Variants in ZBED4 observed in about 807,000 individuals in gnomAD.
ZBED4 encodes the protein zinc finger BED domain-containing protein 4.
ZBED4 carries 4 observed loss-of-function variants against 15.5 expected under a neutral mutation model. That is an observed-to-expected ratio of 0.26 (90% confidence interval 0.13 to 0.59). ZBED4 has a LOEUF of 0.59. Ranked by LOEUF, ZBED4 falls within the 20% of genes least tolerant of loss-of-function variation. The probability of loss-of-function intolerance (pLI) is 0.90; values close to 1 mark genes in which losing one functional copy is unlikely to be tolerated. For missense variants in ZBED4, 1,323 were observed against 1,461.8 expected (o/e 0.91, Z 1.55); for synonymous variants, 692 against 608.5 (o/e 1.14, Z -2.02).
At chr22:49,857,258 C>T (rs532445536) in intron 1 of ZBED4, among the ~76,000 whole-genome samples, 1 of 152,370 alleles carries the variant, frequency 6.6e-6, no homozygotes, top group East Asian at 1.9e-4. Context: ...CAGCAGCGTT[C>T]AGCCATAGCT....
intron 1 of ZBED4, among the ~76,000 whole-genome samples, chr22:49,863,612 C>T (rs148450372): frequency 1.5e-4 from 21 of 144,376 alleles, no homozygotes; most frequent in African/African-American, 5.3e-4. Flanking sequence ...GGGGACAGAG[C>T]GAGACTCCGT....
chr22:49,855,519 A>G (rs2060271511), intron 1 of ZBED4, among the ~76,000 whole-genome samples: 1 of 152,190 alleles, frequency 6.6e-6, no homozygotes, highest in Admixed American at 6.5e-5. Flanking sequence ...AAAAATTACT[A>G]GGGGAGCGGA....
At chr22:49,878,499 T>C (rs2060390087) in intron 1 of ZBED4, among the ~76,000 whole-genome samples, 1 of 152,148 alleles carries the variant, frequency 6.6e-6, no homozygotes, top group South Asian at 2.1e-4. Context: ...GGGCACTTCA[T>C]GGAGAAAGGA....
In ZBED4 at chr22:49,885,162, T is replaced by C. The variant is rs116893184; in HGVS notation, c.1500T>C (p.His500=). ...GDVGTSCLMR[H]LYRRHPEVVG... ...TGGGCACCAGCTGCCTGATGAGACA[T>C]CTCTACCGGCGCCATCCAGAAGTTG... Residue 500 remains histidine, a synonymous_variant, in exon 2 of 2, where the codon CAT becomes CAC. Coordinates refer to ENST00000216268, the MANE Select transcript of ZBED4 (RefSeq NM_014838.3). 0.012 allele frequency: 19,195 copies of C among 1,613,038 alleles called. 376 individuals are homozygous for C. The highest frequency in any genetic ancestry group is 0.067 in the South Asian group (6,119 of 91,026).
Position 49,885,414 on chromosome 22 carries a change from G to A in ZBED4, c.1752G>A (p.Arg584=). The change falls in exon 2 of 2, where the codon CGG becomes CGA. Residue 584 remains arginine (R), a synonymous_variant. Coordinates refer to ENST00000216268, the MANE Select transcript of ZBED4 (RefSeq NM_014838.3). ...AAGTCGTGTGCTTGCACTGTGGCCGGACCATCAGCCGGGGGAAGAAGCCGA... is the reference window on the plus strand; with the variant it reads ...AAGTCGTGTGCTTGCACTGTGGCCGAACCATCAGCCGGGGGAAGAAGCCGA... ...STKVVCLHCG[R]TISRGKKPTN... is the part of the protein sequence containing the mutation. The A allele has an allele frequency of 6.2e-7, 1 of 1,605,564 alleles. No individual in the cohort carries two copies. The highest frequency in any genetic ancestry group is 8.5e-7 in the Non-Finnish European group (1 of 1,173,346).
intron 1 of ZBED4, among the ~76,000 whole-genome samples, chr22:49,863,582 G>A (rs1366633978): frequency 1.3e-5 from 2 of 151,100 alleles, no homozygotes; most frequent in African/African-American, 2.4e-5. Flanking sequence ...AGCTGAGATC[G>A]CGCCACCGCA....
At chr22:49,873,171 G>A (rs1240327148) in intron 1 of ZBED4, among the ~76,000 whole-genome samples, 4 of 152,220 alleles carry the variant, frequency 2.6e-5, no homozygotes, top group African/African-American at 9.7e-5. Context: ...CGTCTTGGCT[G>A]TTGGTACAAG....
Position 49,885,075 on chromosome 22 carries a change from C to G in ZBED4, c.1413C>G (p.Asp471Glu). Residue 471 changes from aspartate (D) to glutamate (E), a missense_variant, in exon 2 of 2, where the codon GAC becomes GAG. Physicochemically the swap from Asp to Glu is conservative, Grantham distance 45. Coordinates refer to ENST00000216268, the MANE Select transcript of ZBED4 (RefSeq NM_014838.3). ...ATCACTTCTCCCTGGCCCCCATGGA[C>G]AGCCTCAAGGCCGAGTGTCGGTACT... Reference protein sequence around the residue: ...VWHHFSLAPMDSLKAECRYCG... With the variant: ...VWHHFSLAPMESLKAECRYCG... 1 of 1,612,626 alleles carries G rather than the reference C, an allele frequency of 6.2e-7. No individual in the cohort carries two copies.
rs1325997908 is a variant in ZBED4 at position 49,853,894 on chromosome 22, C to G, written c.-425C>G. ...GCGGGCGGCGGGGCCGCGGGAGGGG[C>G]GCGGGGGCAGACAAAGCCGCGGTAA... On this transcript the variant is annotated 5_prime_UTR_variant, in exon 1 of 2. Coordinates refer to ENST00000216268, the MANE Select transcript of ZBED4 (RefSeq NM_014838.3). The G allele has an allele frequency of 6.9e-6, 1 of 144,182 alleles. No individual in the cohort carries two copies. Among genetic ancestry groups the G allele is most frequent in the Non-Finnish European group, 1.5e-5 (1 of 65,120 alleles). 8.9% of individuals were successfully genotyped at this position (144,182 alleles called of 1,614,324 possible).
chr22:49,877,999 T>G (rs551478817), intron 1 of ZBED4, among the ~76,000 whole-genome samples: 1 of 152,276 alleles, frequency 6.6e-6, no homozygotes, highest in East Asian at 1.9e-4. Flanking sequence ...TGCTGTGAAT[T>G]TTATATGTAA....
chr22:49,883,854 G>A lies in ZBED4; in HGVS notation c.192G>A (p.Thr64=), dbSNP rs753528808. 22 of 1,608,082 alleles carry A rather than the reference G, an allele frequency of 1.4e-5. No individual in the cohort carries two copies. Among genetic ancestry groups the A allele is most frequent in the Admixed American group, 8.4e-5 (5 of 59,488 alleles). ...SGGERAGLGG[T]GCSCKPPGKY... The stretch of plus-strand genomic sequence containing the variant: ...GGGAGCGAGCGGGCCTCGGTGGGAC[G>A]GGTTGCAGCTGCAAGCCCCCGGGGA... Residue 64 remains threonine (T), a synonymous_variant, in exon 2 of 2, where the codon ACG becomes ACA. Transcript: ENST00000216268.
At chr22:49,865,735 G>A (rs186565672) in intron 1 of ZBED4, among the ~76,000 whole-genome samples, 160 of 152,216 alleles carry the variant, frequency 1.1e-3, no homozygotes, top group Admixed American at 4.1e-3. Flanking sequence ...TTTGCTCTCC[G>A]GTAGATCTCT....
At chr22:49,877,372 A>G (rs564383857) in intron 1 of ZBED4, among the ~76,000 whole-genome samples, 1 of 151,942 alleles carries the variant, frequency 6.6e-6, no homozygotes, top group Non-Finnish European at 1.5e-5. Flanking sequence ...GCTCACTGCA[A>G]CCTCCGCCTC....
intron 1 of ZBED4, among the ~76,000 whole-genome samples, chr22:49,876,942 C>T (rs769011583): frequency 1.4e-4 from 22 of 152,132 alleles, no homozygotes; most frequent in Non-Finnish European, 2.5e-4. Flanking sequence ...TTGATGAATC[C>T]GATTTTTCCA....
intron 1 of ZBED4, among the ~76,000 whole-genome samples, chr22:49,872,511 C>T (rs1164572427): frequency 1.3e-5 from 2 of 152,060 alleles, no homozygotes; most frequent in Non-Finnish European, 2.9e-5. Flanking sequence ...TTTTCCCGTC[C>T]CAGGAATCAC....
At chr22:49,875,614 T>A (rs965907017) in intron 1 of ZBED4, among the ~76,000 whole-genome samples, 4 of 151,854 alleles carry the variant, frequency 2.6e-5, no homozygotes, top group Non-Finnish European at 5.9e-5. Context: ...AGATACAGGG[T>A]TTCACCATGT....
rs778790812 is a variant in ZBED4, at chr22:49,884,928, G to A, written c.1266G>A (p.Glu422=). Residue 422 remains glutamate (E), a synonymous_variant, in exon 2 of 2, where the codon GAG becomes GAA. Transcript: ENST00000216268. ...AAFSSSDDIG[E]ASASSPEKQQ... is the part of the protein sequence containing the mutation. ...TCTCATCTTCCGATGACATAGGGGA[G>A]GCCTCGGCGTCCTCTCCTGAGAAGC... 11 of 1,606,112 alleles carry A rather than the reference G, an allele frequency of 6.8e-6. No individual in the cohort carries two copies. In the South Asian group the frequency reaches 1.2e-4, roughly 18 times the overall value.
upstream of ZBED4, chr22:49,853,311 C>G (rs935194905): frequency 1.3e-5 from 2 of 152,506 alleles, no homozygotes; most frequent in Non-Finnish European, 1.5e-5. Flanking sequence ...AGGCGTTAAT[C>G]CCGTCCCCCG....
In ZBED4 at chr22:49,885,593, C is replaced by T; in HGVS notation, c.1931C>T (p.Thr644Ile). The T allele has an allele frequency of 6.2e-7, 1 of 1,607,920 alleles. No individual in the cohort carries two copies. Among genetic ancestry groups the T allele is most frequent in the South Asian group, 1.1e-5 (1 of 90,912 alleles). Reference protein sequence around the residue: ...ELSGASSFDDTNEKFYDSHPV... With the variant: ...ELSGASSFDDINEKFYDSHPV... ...TCAGGCGCTTCCTCTTTTGATGACACCAATGAGAAGTTTTACGATTCTCAC... is the reference window on the plus strand; with the variant it reads ...TCAGGCGCTTCCTCTTTTGATGACATCAATGAGAAGTTTTACGATTCTCAC... The change falls in exon 2 of 2, where the codon ACC (threonine) becomes ATC (isoleucine). Residue 644 changes from threonine (T) to isoleucine (I), a missense_variant. Transcript: ENST00000216268.
Sources: allele counts gnomAD v4.1 joint callset (sites outside exome capture counted in the v4.1 genomes callset), GRCh38; gene constraint gnomAD v4.1.1; transcripts MANE v1.5; gene names NCBI Gene and HGNC (gene_info 2026-07-23, HGNC 2026-07-21).